The following DNAH10 variants were observed in gnomAD, a reference collection of about 807,000 sequenced individuals.
DNAH10 encodes the protein dynein axonemal heavy chain 10.
Under a neutral mutation model 506.6 loss-of-function variants are expected in DNAH10, and 348 were observed. The ratio of observed to expected loss-of-function variants is 0.69; its 90% CI spans 0.63 to 0.75. The LOEUF (loss-of-function observed/expected upper bound fraction) is 0.75, where lower values mean the gene tolerates loss of function less well. Ranked by LOEUF, DNAH10 falls within the 30% of genes least tolerant of loss-of-function variation. DNAH10 has a pLI of 0.00. For synonymous variants in DNAH10, 2,059 were observed against 2,198.6 expected, an observed-to-expected ratio of 0.94 and a Z score of 1.78; for missense variants, 5,179 against 5,787.1, an observed-to-expected ratio of 0.89 and a Z score of 3.41.
At chr12:123,923,202 C>T (rs1954804132) in intron 65 of DNAH10, 1 of 152,276 alleles carries the variant, frequency 6.6e-6, no homozygotes. Flanking sequence ...GCATCCAAAT[C>T]TGGCCCACTG....
intron 57 of DNAH10, among the ~76,000 whole-genome samples, chr12:123,906,969 T>C (rs1953811701): frequency 6.6e-6 from 1 of 152,246 alleles, no homozygotes; most frequent in African/African-American, 2.4e-5. Flanking sequence ...TGCTGGCTCT[T>C]GAGTTTCACT....
intron 43 of DNAH10, 103 bp from the exon 44 acceptor site, chr12:123,870,263 C>T (rs1367514684): frequency 2.1e-6 from 3 of 1,456,422 alleles, no homozygotes; most frequent in Non-Finnish European, 2.8e-6. Flanking sequence ...ACTATGGCCT[C>T]CGTGCAGTAC....
chr12:123,861,315 A>C (rs902458063), intron 39 of DNAH10, 145 bp downstream of exon 39: 1 of 1,053,576 alleles, frequency 9.5e-7, no homozygotes, highest in African/African-American at 1.6e-5. Flanking sequence ...TGTGCTTCGG[A>C]AGTGCGCAGT....
intron 26 of DNAH10, 61 bp from the exon 27 acceptor site, chr12:123,833,053 G>T: frequency 1.5e-6 from 2 of 1,343,706 alleles, no homozygotes; most frequent in East Asian, 5.0e-5. Flanking sequence ...GGTGTTTTTG[G>T]GTTGGGGCTC....
intron 16 of DNAH10, among the ~76,000 whole-genome samples, chr12:123,801,881 G>A (rs1249450982): frequency 1.3e-5 from 2 of 152,170 alleles, no homozygotes; most frequent in East Asian, 1.9e-4. Context: ...ACCACAGCGA[G>A]TACTGTCAAG....
chr12:123,830,552 GA>G lies in DNAH10; in HGVS notation c.4401del (p.Glu1468AsnfsTer12), dbSNP rs753022339. On this transcript the variant is annotated frameshift_variant, in exon 26 of 79. Coordinates refer to ENST00000673944, the MANE Select transcript of DNAH10 (RefSeq NM_001372106.1). LOFTEE classifies it high-confidence loss of function. ...AATGCTGATGTGCTTTCAGGCATTG[GA>G]AAGAACTTATGGAAAAAACGTCTGT... is the stretch of plus-strand genomic sequence containing the variant. ...KNEALRDRHW[K>X]ELMEKTSVFF... 6.2e-7 allele frequency: 1 copy of G among 1,612,988 alleles called. No homozygotes were observed. The highest frequency in any genetic ancestry group is 8.5e-7 in the Non-Finnish European group (1 of 1,179,492).
chr12:123,915,686 G>A (rs886816178), intron 62 of DNAH10, among the ~76,000 whole-genome samples: 8 of 152,204 alleles, frequency 5.3e-5, no homozygotes, highest in Non-Finnish European at 1.0e-4. Flanking sequence ...CGTCCTTGCT[G>A]TAGTGCATCA....
chr12:123,848,332 G>A (rs759005823), intron 33 of DNAH10, among the ~76,000 whole-genome samples: 8 of 152,214 alleles, frequency 5.3e-5, no homozygotes, highest in Non-Finnish European at 1.2e-4. Context: ...GATAATGTAC[G>A]TGAGTAAAGC....
Position 123,931,836 on chromosome 12 carries a change from G to A in DNAH10, c.13117G>A (p.Glu4373Lys). 1 of 1,614,026 alleles carries A rather than the reference G, an allele frequency of 6.2e-7. No individual in the cohort carries two copies. The highest frequency in any genetic ancestry group is 8.5e-7 in the Non-Finnish European group (1 of 1,179,880). The change falls in exon 75 of 79, where the codon GAA becomes AAA. Residue 4373 changes from glutamate (E) to lysine (K), a missense_variant. By Grantham distance (56) the Glu-to-Lys change is moderately conservative (BLOSUM62 1). This residue lies in a region of DNAH10 where 4,844 missense variants were observed against 5,430.5 expected (regional missense o/e 0.89). Transcript: ENST00000673944. ...LVVRMTKSLAELQRALAGEVG... is the reference protein window; with the variant it reads ...LVVRMTKSLAKLQRALAGEVG... ...GGTCCGGATGACGAAGTCTCTGGCT[G>A]AACTTCAAAGGGTGAGCCTGTCTCT...
chr12:123,911,858 C>A (rs182009767), intron 59 of DNAH10, among the ~76,000 whole-genome samples: 215 of 2,262 alleles, frequency 0.095, 40 homozygotes, highest in African/African-American at 0.16. Context: ...CTGTCCTGGG[C>A]GGTGTCTGTC....
intron 44 of DNAH10, 150 bp from the exon 45 acceptor site, chr12:123,871,307 C>A: frequency 2.2e-6 from 2 of 925,002 alleles, no homozygotes; most frequent in Non-Finnish European, 3.2e-6. Context: ...CAGTTATACA[C>A]TTCAATGGGT....
chr12:123,916,844 A>G lies in DNAH10; in HGVS notation c.11002+108A>G. 2.2e-6 allele frequency: 3 copies of G among 1,349,066 alleles called. No individual in the cohort carries two copies. Among genetic ancestry groups the G allele is most frequent in the South Asian group, 1.5e-5 (1 of 67,906 alleles). 83.6% of individuals were successfully genotyped at this position (1,349,066 alleles called of 1,614,324 possible). A position where few individuals can be genotyped will look rare whatever the true frequency, so the allele number is the denominator to read the frequency against. On this transcript the variant is annotated intron_variant, in intron 63 of 78. Coordinates refer to ENST00000673944, the MANE Select transcript of DNAH10 (RefSeq NM_001372106.1). This position sits in a 1 kb window ranked among gnomAD's most constrained non-coding sequence, Gnocchi z 4.6. ...TCATTTCACTCAGTGACCCCAGATC[A>G]TTCTCTCATAGGCACATCTGGACTA...
Position 123,902,933 on chromosome 12 carries a change from C to T in DNAH10, c.9641-6C>T, listed in dbSNP as rs764229525. 6.3e-7 allele frequency: 1 copy of T among 1,576,808 alleles called. No homozygotes were observed. The highest frequency in any genetic ancestry group is 1.9e-5 in the Admixed American group (1 of 54,050). ...AGCTTTACTCACCCCCTGTCCTACCCTGCAGCCGAGGAGAAGAAGAAACTG... is the reference window on the plus strand; with the variant it reads ...AGCTTTACTCACCCCCTGTCCTACCTTGCAGCCGAGGAGAAGAAGAAACTG... On this transcript the variant is annotated splice_polypyrimidine_tract_variant and splice_region_variant and intron_variant, in intron 56 of 78. Coordinates refer to ENST00000673944, the MANE Select transcript of DNAH10 (RefSeq NM_001372106.1). The surrounding 1 kb of genome is among the most constrained non-coding windows in gnomAD (Gnocchi z 4.5).
Position 123,848,012 on chromosome 12 carries a change from A to G in DNAH10, c.5866A>G (p.Lys1956Glu). 1 of 1,614,004 alleles carries G rather than the reference A, an allele frequency of 6.2e-7. No individual in the cohort carries two copies. Among genetic ancestry groups the G allele is most frequent in the Non-Finnish European group, 8.5e-7 (1 of 1,179,874 alleles). ...CCCCGCCGGCCCAGCAGGAACCGGC[A>G]AAACCGAGACCACCAAGGACCTGGC... is the stretch of plus-strand genomic sequence containing the variant. Reference protein sequence around the residue: ...GAPAGPAGTGKTETTKDLAKA... With the variant: ...GAPAGPAGTGETETTKDLAKA... The change falls in exon 33 of 79, where the codon AAA (lysine) becomes GAA (glutamate). Residue 1956 changes from lysine to glutamate, a missense_variant. Transcript: ENST00000673944.
rs766163811 is a variant in DNAH10 at position 123,781,117 on chromosome 12, C to A, written c.659C>A (p.Thr220Lys). ...GCATTGTCCTTCAATCAGCACAGGA[C>A]GAGTACAACCGTGGGAGTCACATCT... ...LPALSFNQHR[T>K]STTVGVTSGE... The change falls in exon 6 of 79, where the codon ACG (threonine) becomes AAG (lysine). Residue 220 changes from threonine to lysine, a missense_variant. By Grantham distance (78) the Thr-to-Lys change is moderately conservative. Transcript: ENST00000673944. 2.5e-6 allele frequency: 4 copies of A among 1,613,704 alleles called. No homozygotes were observed. Among genetic ancestry groups the A allele is most frequent in the Non-Finnish European group, 3.4e-6 (4 of 1,179,882 alleles).
At chr12:123,775,127 T>C (rs1258318061) in intron 5 of DNAH10, among the ~76,000 whole-genome samples, 1 of 152,220 alleles carries the variant, frequency 6.6e-6, no homozygotes, top group African/African-American at 2.4e-5. Flanking sequence ...TTTATTTTTA[T>C]TGTTTTTCGA....
At chr12:123,866,369 G>A (rs1033265717) in intron 41 of DNAH10, among the ~76,000 whole-genome samples, 8 of 149,846 alleles carry the variant, frequency 5.3e-5, no homozygotes, top group Admixed American at 1.3e-4. Flanking sequence ...TCAGCCTCCC[G>A]AGTAGCTGGG....
intron 10 of DNAH10, among the ~76,000 whole-genome samples, chr12:123,788,581 G>T (rs1048199595): frequency 4.6e-5 from 7 of 152,180 alleles, no homozygotes; most frequent in African/African-American, 1.7e-4. Flanking sequence ...TGCCCAGCCC[G>T]AGAGGGAGGT....
At position 123,929,383 on chromosome 12, in the gene DNAH10, G is replaced by A; in HGVS notation, c.12415G>A (p.Val4139Ile). The A allele has an allele frequency of 6.2e-7, 1 of 1,613,180 alleles. No individual in the cohort carries two copies. The highest frequency in any genetic ancestry group is 8.5e-7 in the Non-Finnish European group (1 of 1,179,574). ...QCPHPAFKPL[V>I]YVLAFFHAVV... The stretch of plus-strand genomic sequence containing the variant: ...CCCGCACCCTGCCTTCAAGCCGCTG[G>A]TCTACGTGCTGGCGTTCTTTCATGC... The change falls in exon 71 of 79, where the codon GTC becomes ATC. Residue 4139 changes from valine to isoleucine, a missense_variant. Val to Ile is a conservative substitution (Grantham distance 29, BLOSUM62 3). Around this residue, in one of 3 missense-constraint regions of DNAH10, gnomAD observed 4,844 missense variants for 5,430.5 expected, o/e 0.89. Coordinates refer to ENST00000673944, the MANE Select transcript of DNAH10 (RefSeq NM_001372106.1).
Sources: gnomAD v4.1 joint callset for allele counts (sites outside exome capture counted in the v4.1 genomes callset) on GRCh38, gnomAD v4.1.1 for gene constraint, gnomAD v4.1.1 regional missense constraint, Gnocchi (gnomAD v3.1) non-coding constraint, MANE v1.5 for transcripts, NCBI Gene and HGNC (gene_info 2026-07-23, HGNC 2026-07-21) for gene names.